The following AFF3 variants were observed in gnomAD, a reference collection of about 807,000 sequenced individuals.
The protein encoded by AFF3 is ALF transcription elongation factor 3.
A neutral mutation model predicts 129.7 loss-of-function variants in AFF3; 32 were observed. The observed-to-expected ratio is 0.25, with a 90% CI of 0.19 to 0.33. The LOEUF is 0.33. Among genes scored for constraint, AFF3 ranks in the 10% least tolerant of loss-of-function variants. AFF3 has a pLI of 1.00. For missense variants in AFF3, 1,373 were observed against 1,592.0 expected (o/e 0.86, Z 2.34); for synonymous variants, 644 against 635.4 (o/e 1.01, Z -0.20).
intron 10 of AFF3, among the ~76,000 whole-genome samples, chr2:99,729,892 C>A (rs1679674564): frequency 6.6e-6 from 1 of 151,568 alleles, no homozygotes; most frequent in Non-Finnish European, 1.5e-5. Context: ...AGGGAATCTG[C>A]ATTGGTCATT....
intron 7 of AFF3, among the ~76,000 whole-genome samples, chr2:99,904,037 T>A (rs1694537799): frequency 6.6e-6 from 1 of 152,154 alleles, no homozygotes; most frequent in South Asian, 2.1e-4. Context: ...ATCTGAAAAC[T>A]CTTCTCTTTT....
intron 7 of AFF3, among the ~76,000 whole-genome samples, chr2:99,896,277 A>G (rs1693939159): frequency 6.6e-6 from 1 of 152,092 alleles, no homozygotes; most frequent in South Asian, 2.1e-4. Flanking sequence ...TATGGAATGC[A>G]CCAAACATTC....
intron 7 of AFF3, among the ~76,000 whole-genome samples, chr2:99,940,734 C>T (rs559931330): frequency 2.0e-5 from 3 of 152,286 alleles, no homozygotes; most frequent in Admixed American, 6.5e-5. Flanking sequence ...TCTTTTATCC[C>T]TTTACTTTCT....
intron 7 of AFF3, among the ~76,000 whole-genome samples, chr2:99,989,362 C>T (rs1021420447): frequency 1.1e-4 from 17 of 152,170 alleles, no homozygotes; most frequent in Non-Finnish European, 7.4e-5. Context: ...CCAGGATACC[C>T]ACATTTCAAC....
Position 99,714,773 on chromosome 2 carries a change from T to C in AFF3, c.1091+12304A>G, listed in dbSNP as rs921619724. ...CATAAATGATAGATTTCTTTATATGTTTAGCACACAATTGTTCCTCTGTAT... is the reference window on the plus strand; with the variant it reads ...CATAAATGATAGATTTCTTTATATGCTTAGCACACAATTGTTCCTCTGTAT... On this transcript the variant is annotated intron_variant, in intron 11 of 24. Transcript: ENST00000672756. Among the ~76,000 whole-genome samples the C allele has an allele frequency of 5.3e-5, 8 of 152,232 alleles. No individual in the cohort carries two copies. The East Asian group carries it at 1.5e-3, about 29-fold the overall frequency.
At chr2:100,136,672 C>T (rs1692652975) in intron 1 of AFF3, among the ~76,000 whole-genome samples, 1 of 152,146 alleles carries the variant, frequency 6.6e-6, no homozygotes, top group Non-Finnish European at 1.5e-5. Flanking sequence ...AAGTAGCACA[C>T]TTCCTCTTTT....
In AFF3 at chr2:99,722,801, TACTC is replaced by T. The variant is rs776894376; in HGVS notation, c.1091+4272_1091+4275del. Among the ~76,000 whole-genome samples, 44 of 152,196 alleles carry T rather than the reference TACTC, an allele frequency of 2.9e-4. 1 individual carries two copies. Among genetic ancestry groups the T allele is most frequent in the Non-Finnish European group, 5.9e-4 (40 of 68,038 alleles). On this transcript the variant is annotated intron_variant, in intron 11 of 24. Transcript: ENST00000672756. ...TTATGGCTCTTTTCTTTCTGTGACT[TACTC>T]AATTCCCAGCCACTCTGGCAGCCCT...
intron 7 of AFF3, among the ~76,000 whole-genome samples, chr2:99,972,611 C>T (rs1380695165): frequency 4.6e-5 from 7 of 152,096 alleles, no homozygotes; most frequent in Non-Finnish European, 8.8e-5. Context: ...TTTTTAGGTG[C>T]CAAGGATATA....
Position 99,973,474 on chromosome 2 carries a change from T to C in AFF3, c.873+33158A>G, listed in dbSNP as rs144143892. Among the ~76,000 whole-genome samples the C allele has an allele frequency of 1.1e-3, 165 of 152,312 alleles. 3 individuals are homozygous for C. In the East Asian group the frequency reaches 0.028, roughly 26 times the overall value. ...GTATTTCCCGAACATTTTTTACCCA[T>C]AGATTCAGATTACCCCTAAGACAGA... is the stretch of plus-strand genomic sequence containing the variant. On this transcript the variant is annotated intron_variant, in intron 7 of 24. Coordinates refer to ENST00000672756, the MANE Select transcript of AFF3 (RefSeq NM_001386135.1).
chr2:99,713,509 C>T lies in AFF3; in HGVS notation c.1091+13568G>A, dbSNP rs139090613. 2.3e-3 allele frequency among the ~76,000 whole-genome samples: 354 copies of T among 151,644 alleles called. 1 individual carries two copies. The highest frequency in any genetic ancestry group is 3.9e-3 in the Non-Finnish European group (263 of 67,868). On this transcript the variant is annotated intron_variant, in intron 11 of 24. Transcript: ENST00000672756. ...GTCTCAATCTCCTGACCTCATGATC[C>T]GCCCGCCTCAGCCTCCCAAAGTGCT...
intron 7 of AFF3, among the ~76,000 whole-genome samples, chr2:99,968,181 C>T (rs1677979410): frequency 6.6e-6 from 1 of 152,182 alleles, no homozygotes; most frequent in African/African-American, 2.4e-5. Flanking sequence ...CTAGTCCCTC[C>T]TCTATGCCTA....
At chr2:99,767,916 C>T (rs1388178594) in intron 8 of AFF3, among the ~76,000 whole-genome samples, 1 of 152,148 alleles carries the variant, frequency 6.6e-6, no homozygotes, top group Non-Finnish European at 1.5e-5. Context: ...TTGCACTCCT[C>T]GAGGCATTTG....
chr2:99,559,937 G>A (rs931759620), intron 21 of AFF3, among the ~76,000 whole-genome samples: 3 of 152,228 alleles, frequency 2.0e-5, no homozygotes, highest in Non-Finnish European at 4.4e-5. Context: ...TTACCCGATC[G>A]TTCCCTTTTT....
intron 1 of AFF3, among the ~76,000 whole-genome samples, chr2:100,138,492 A>C (rs1692719850): frequency 6.6e-6 from 1 of 152,200 alleles, no homozygotes; most frequent in Admixed American, 6.5e-5. Flanking sequence ...CATTTTGTTC[A>C]GCATAGCCTG....
chr2:100,020,586 A>G (rs1310784898), intron 4 of AFF3, among the ~76,000 whole-genome samples: 1 of 152,140 alleles, frequency 6.6e-6, no homozygotes, highest in Non-Finnish European at 1.5e-5. Flanking sequence ...TGCCTGTGTC[A>G]GCAGACCGCA....
At chr2:99,820,220 C>G (rs1179664583) in intron 8 of AFF3, among the ~76,000 whole-genome samples, 1 of 152,126 alleles carries the variant, frequency 6.6e-6, no homozygotes, top group Non-Finnish European at 1.5e-5. Context: ...TGCTACACAC[C>G]TAGCCTATAT....
chr2:99,639,556 T>A (rs1392980541), intron 13 of AFF3, among the ~76,000 whole-genome samples: 2 of 152,250 alleles, frequency 1.3e-5, no homozygotes, highest in Non-Finnish European at 2.9e-5. Context: ...TATTGAACAT[T>A]ACTGTTTGCT....
intron 4 of AFF3, among the ~76,000 whole-genome samples, chr2:100,045,095 G>A (rs1685726316): frequency 6.6e-6 from 1 of 152,116 alleles, no homozygotes; most frequent in African/African-American, 2.4e-5. Context: ...ACTCAGGGCT[G>A]TGGCTGGTCA....
At chr2:99,768,183 T>C (rs1227377205) in intron 8 of AFF3, among the ~76,000 whole-genome samples, 1 of 152,222 alleles carries the variant, frequency 6.6e-6, no homozygotes, top group African/African-American at 2.4e-5. Flanking sequence ...TGAAAAAGTA[T>C]TTCCATAATA....
Sources: gnomAD v4.1 joint callset for allele counts (sites outside exome capture counted in the v4.1 genomes callset) on GRCh38, gnomAD v4.1.1 for gene constraint, MANE v1.5 for transcripts, NCBI Gene and HGNC (gene_info 2026-07-23, HGNC 2026-07-21) for gene names.